FSD1: variants seen among roughly 807,000 people sequenced by gnomAD.
The protein encoded by FSD1 is fibronectin type III and SPRY domain containing 1.
FSD1 carries 23 observed loss-of-function variants against 58.2 expected under a neutral mutation model. The ratio of observed to expected loss-of-function variants is 0.40; its 90% CI spans 0.28 to 0.56. FSD1 has a LOEUF of 0.56. Ranked by LOEUF, FSD1 falls within the 20% of genes least tolerant of loss-of-function variation. The pLI is 0.54. For synonymous variants in FSD1, 265 were observed against 263.4 expected (o/e 1.01, Z -0.06); for missense variants, 563 against 670.8 (o/e 0.84, Z 1.78).
At chr19:4,308,662 C>CCTGG (rs1458747790) in intron 4 of FSD1, among the ~76,000 whole-genome samples, 4 of 152,072 alleles carry the variant, frequency 2.6e-5, no homozygotes, top group East Asian at 1.9e-4. Flanking sequence ...TCAAGACCAT[C>CCTGG]CTAACACAGT....
chr19:4,307,045 C>A (rs531820841), intron 3 of FSD1, among the ~76,000 whole-genome samples: 1 of 151,770 alleles, frequency 6.6e-6, no homozygotes, highest in Non-Finnish European at 1.5e-5. Context: ...GTGGCCTAGG[C>A]ATGTGAGTTT....
intron 7 of FSD1, among the ~76,000 whole-genome samples, chr19:4,315,165 G>A (rs564224998): frequency 6.6e-5 from 10 of 151,586 alleles, no homozygotes; most frequent in South Asian, 2.1e-4. Flanking sequence ...TCGCTCTGTC[G>A]CCCAAGCTGG....
rs550870777 is a variant in FSD1 at position 4,310,358 on chromosome 19, C to G, written c.368+63C>G. 5 of 1,608,836 alleles carry G rather than the reference C, an allele frequency of 3.1e-6. No individual in the cohort carries two copies. In the South Asian group the frequency reaches 3.3e-5, roughly 11 times the overall value. On this transcript the variant is annotated intron_variant, in intron 5 of 12. Coordinates refer to ENST00000221856, the MANE Select transcript of FSD1 (RefSeq NM_024333.3). ...GCCCCTGGTGTGAAGACAGGGGCCA[C>G]CTGGTGAGGGTGTCTCATCTCAGAG...
At chr19:4,311,719 G>T in intron 6 of FSD1, 123 bp from the exon 7 acceptor site, 2 of 751,640 alleles carry the variant, frequency 2.7e-6, no homozygotes, top group Non-Finnish European at 4.5e-6. Flanking sequence ...GCCAAACATG[G>T]AACCCCTTTG....
intron 7 of FSD1, among the ~76,000 whole-genome samples, chr19:4,313,610 C>T (rs1269316150): frequency 1.3e-5 from 2 of 150,618 alleles, no homozygotes; most frequent in African/African-American, 4.9e-5. Context: ...CCCAGCTACT[C>T]GGGAGGCTGA....
At chr19:4,320,332 A>G (rs1279935507) in intron 10 of FSD1, among the ~76,000 whole-genome samples, 3 of 151,920 alleles carry the variant, frequency 2.0e-5, no homozygotes, top group African/African-American at 7.3e-5. Flanking sequence ...CAGAGCTGAG[A>G]ACTAGGGGGA....
At chr19:4,306,467 T>G in intron 3 of FSD1, 138 bp downstream of exon 3, 2 of 719,458 alleles carry the variant, frequency 2.8e-6, no homozygotes, top group East Asian at 2.8e-5. Flanking sequence ...ACCTGTACAC[T>G]CTCTCTTTTT....
chr19:4,308,997 C>T (rs1971658024), intron 4 of FSD1, among the ~76,000 whole-genome samples: 1 of 152,176 alleles, frequency 6.6e-6, no homozygotes, highest in African/African-American at 2.4e-5. Context: ...ATGGTGTGAA[C>T]CCGGGAGGCA....
At chr19:4,319,715 T>C (rs1347627889) in intron 10 of FSD1, among the ~76,000 whole-genome samples, 3 of 151,880 alleles carry the variant, frequency 2.0e-5, no homozygotes, top group African/African-American at 7.3e-5. Context: ...GGAGTTGTCA[T>C]TGGAGTTGCT....
intron 10 of FSD1, among the ~76,000 whole-genome samples, chr19:4,319,276 G>A (rs574120574): frequency 6.6e-6 from 1 of 152,192 alleles, no homozygotes; most frequent in East Asian, 1.9e-4. Context: ...TGGGATTTGA[G>A]GAGTAGCTGG....
intron 10 of FSD1, among the ~76,000 whole-genome samples, chr19:4,321,948 G>A (rs184900763): frequency 1.3e-3 from 197 of 150,884 alleles, no homozygotes; most frequent in African/African-American, 4.7e-3. Flanking sequence ...GGGTCCCCAA[G>A]AAGTATCTGG....
Position 4,323,508 on chromosome 19 carries a change from C to A in FSD1, c.1381-25C>A, listed in dbSNP as rs1289832721. On this transcript the variant is annotated intron_variant, in intron 12 of 12. Coordinates refer to ENST00000221856, the MANE Select transcript of FSD1 (RefSeq NM_024333.3). This position sits in a 1 kb window ranked among gnomAD's most constrained non-coding sequence, Gnocchi z 7.7. ...CGCTGGGGTTTGAAGCTGAGCCCCTCCCCCCTCCCCCCGCTGTCCCTCAGG... is the reference window on the plus strand; with the variant it reads ...CGCTGGGGTTTGAAGCTGAGCCCCTACCCCCTCCCCCCGCTGTCCCTCAGG... 2 of 899,152 alleles carry A rather than the reference C, an allele frequency of 2.2e-6. No homozygotes were observed. The highest frequency in any genetic ancestry group is 1.9e-6 in the Non-Finnish European group (1 of 533,200). 55.7% of individuals were successfully genotyped at this position (899,152 alleles called of 1,614,324 possible).
At position 4,306,394 on chromosome 19, in the gene FSD1, G is replaced by A. The variant is rs1004808023; in HGVS notation, c.243+65G>A. 1.0e-5 allele frequency: 16 copies of A among 1,567,288 alleles called. No homozygotes were observed. The African/African-American group carries it at 1.2e-4, about 12-fold the overall frequency. The stretch of plus-strand genomic sequence containing the variant: ...TACTCAACAGAACGTAGCTGACCTC[G>A]GCACCTTCCTCCAAAAACTGGGTGC... On this transcript the variant is annotated intron_variant, in intron 3 of 12. Transcript: ENST00000221856.
chr19:4,312,021 G>T lies in FSD1; in HGVS notation c.670G>T (p.Gly224Cys). The T allele has an allele frequency of 2.5e-6, 4 of 1,611,034 alleles. No individual in the cohort carries two copies. The South Asian group carries it at 3.3e-5, about 13-fold the overall frequency. Residue 224 changes from glycine (G) to cysteine (C), a missense_variant, in exon 7 of 13, where the codon GGC becomes TGC. Physicochemically the swap from Gly to Cys is radical, Grantham distance 159. Coordinates refer to ENST00000221856, the MANE Select transcript of FSD1 (RefSeq NM_024333.3). ...KEDQPWMVIE[G>C]IRQTEYTLTG... is the part of the protein sequence containing the mutation. ...GGACCAGCCCTGGATGGTCATCGAGGGCATCCGGCAGACAGAGTACACCCT... is the reference window on the plus strand; with the variant it reads ...GGACCAGCCCTGGATGGTCATCGAGTGCATCCGGCAGACAGAGTACACCCT...
At chr19:4,306,654 G>C (rs1395336879) in intron 3 of FSD1, among the ~76,000 whole-genome samples, 5 of 151,998 alleles carry the variant, frequency 3.3e-5, no homozygotes, top group African/African-American at 9.7e-5. Flanking sequence ...TTTTAGTAGA[G>C]ATGGGGTTTC....
chr19:4,322,910 T>A, intron 10 of FSD1, 76 bp from the exon 11 acceptor site: 1 of 1,505,402 alleles, frequency 6.6e-7, no homozygotes. Flanking sequence ...CCTTGGGGGC[T>A]GGCCCTTTGT....
intron 7 of FSD1, among the ~76,000 whole-genome samples, chr19:4,315,958 G>A (rs1971751131): frequency 6.6e-6 from 1 of 151,470 alleles, no homozygotes; most frequent in Non-Finnish European, 1.5e-5. Context: ...TAGAGACAGA[G>A]TTTCACCATG....
chr19:4,307,800 A>T, intron 3 of FSD1, 82 bp from the exon 4 acceptor site: 1 of 983,732 alleles, frequency 1.0e-6, no homozygotes, highest in South Asian at 1.5e-5. Flanking sequence ...GGTACCCTGG[A>T]TTCTGAATGG....
At chr19:4,306,453 A>G (rs1176706816) in intron 3 of FSD1, 124 bp downstream of exon 3, 21 of 850,692 alleles carry the variant, frequency 2.5e-5, no homozygotes, top group Non-Finnish European at 3.8e-5. Context: ...TGACCCCTCC[A>G]TCCACCTGTA....
Sources: gnomAD v4.1 joint callset for allele counts (sites outside exome capture counted in the v4.1 genomes callset) on GRCh38, gnomAD v4.1.1 for gene constraint, Gnocchi (gnomAD v3.1) non-coding constraint, MANE v1.5 for transcripts, NCBI Gene and HGNC (gene_info 2026-07-23, HGNC 2026-07-21) for gene names.